Variants in ZNF331 observed in about 807,000 individuals in gnomAD.
ZNF331 encodes the protein C2H2-like zinc finger protein rearranged in thyroid adenomas.
ZNF331 carries 2 observed loss-of-function variants against 7.0 expected under a neutral mutation model. The observed-to-expected ratio is 0.29, with a 90% confidence interval of 0.12 to 0.90. The LOEUF (loss-of-function observed/expected upper bound fraction) is 0.90. Among genes scored for constraint, ZNF331 ranks in the 40% least tolerant of loss-of-function variants. The probability of loss-of-function intolerance (pLI) is 0.58; values close to 1 mark genes in which losing one functional copy is unlikely to be tolerated. For missense variants in ZNF331, 432 were observed against 587.7 expected (o/e 0.74, Z 2.74); for synonymous variants, 196 against 205.4 (o/e 0.95, Z 0.39).
chr19:53,520,061 T>C (rs1463202664), upstream of ZNF331, among the ~76,000 whole-genome samples: 1 of 151,974 alleles, frequency 6.6e-6, no homozygotes, highest in African/African-American at 2.4e-5. Flanking sequence ...ATTATTATTA[T>C]TTTGAGACAT....
At chr19:53,566,810 A>T (rs1271899091) in intron 3 of ZNF331, among the ~76,000 whole-genome samples, 1 of 110,968 alleles carries the variant, frequency 9.0e-6, no homozygotes, top group Non-Finnish European at 2.2e-5. Flanking sequence ...GGGGTCGTAG[A>T]ACTTCCCGGA....
At chr19:53,525,768 A>G (rs1014338153) in intron 2 of ZNF331, among the ~76,000 whole-genome samples, 8 of 152,132 alleles carry the variant, frequency 5.3e-5, no homozygotes, top group African/African-American at 1.9e-4. Flanking sequence ...TTCACTTCCT[A>G]TTTGATTGGC....
chr19:53,519,198 A>G (rs564191764), upstream of ZNF331, among the ~76,000 whole-genome samples: 3 of 152,202 alleles, frequency 2.0e-5, no homozygotes, highest in African/African-American at 7.2e-5. Context: ...CCTGAGCTCC[A>G]GGAGGCTCCC....
intron 2 of ZNF331, among the ~76,000 whole-genome samples, chr19:53,542,904 G>A (rs1169233302): frequency 6.6e-6 from 1 of 152,138 alleles, no homozygotes; most frequent in Non-Finnish European, 1.5e-5. Flanking sequence ...CTGCCTCCCG[G>A]GTTCAAGCGA....
rs754789149 is a variant in ZNF331 at position 53,578,004 on chromosome 19, AGTTT to A, written c.*56_*59del. On this transcript the variant is annotated 3_prime_UTR_variant, in exon 6 of 6. Coordinates refer to ENST00000449416, the MANE Select transcript of ZNF331 (RefSeq NM_001079906.2). ...TCGTATCTATGGTTTCGCTTTCCAC[AGTTT>A]GTTACCTGCAGTCAACTGCAGTTCA... 6 of 1,541,210 alleles carry A rather than the reference AGTTT, an allele frequency of 3.9e-6. No individual in the cohort carries two copies. Among genetic ancestry groups the A allele is most frequent in the Non-Finnish European group, 5.2e-6 (6 of 1,144,084 alleles).
In ZNF331 at chr19:53,560,968, G is replaced by T. The variant is rs560368948; in HGVS notation, c.-74+5060G>T. ...TACCATAGAGACACATTTGAGAGGT[G>T]GGCAAAGTGGCAAGATCCCACCTCT... On this transcript the variant is annotated intron_variant, in intron 3 of 5. Coordinates refer to ENST00000449416, the MANE Select transcript of ZNF331 (RefSeq NM_001079906.2). This position sits in a 1 kb window ranked among gnomAD's most constrained non-coding sequence, Gnocchi z 4.3. Among the ~76,000 whole-genome samples, 1 of 152,148 alleles carries T rather than the reference G, an allele frequency of 6.6e-6. No homozygotes were observed. Among genetic ancestry groups the T allele is most frequent in the African/African-American group, 2.4e-5 (1 of 41,494 alleles).
intron 2 of ZNF331, among the ~76,000 whole-genome samples, chr19:53,543,100 C>T (rs914938390): frequency 2.6e-5 from 4 of 152,016 alleles, no homozygotes; most frequent in Admixed American, 6.5e-5. Flanking sequence ...TGAGCCACCG[C>T]GCCCAGTGGC....
At chr19:53,532,119 G>T (rs1326904637) in intron 2 of ZNF331, among the ~76,000 whole-genome samples, 2 of 152,078 alleles carry the variant, frequency 1.3e-5, no homozygotes, top group Non-Finnish European at 2.9e-5. Flanking sequence ...TTTGTGATTA[G>T]AACATTTAAC....
chr19:53,526,826 A>G (rs2087315815), intron 2 of ZNF331, among the ~76,000 whole-genome samples: 1 of 151,238 alleles, frequency 6.6e-6, no homozygotes, highest in African/African-American at 2.4e-5. Flanking sequence ...TGCTGGGATT[A>G]CAGGCGTGAG....
At chr19:53,509,567 G>C in the ZNF331 span, among the ~76,000 whole-genome samples, 1 of 152,186 alleles carries the variant, frequency 6.6e-6, no homozygotes, top group East Asian at 1.9e-4. Context: ...ATCCAGGAAA[G>C]ATCCTAGAGC....
intron 3 of ZNF331, among the ~76,000 whole-genome samples, chr19:53,568,252 A>G (rs1440555323): frequency 6.6e-6 from 1 of 152,106 alleles, no homozygotes; most frequent in Admixed American, 6.6e-5. Flanking sequence ...TCAAAAAAAA[A>G]AAAAAAAAGT....
At chr19:53,508,394 C>G in the ZNF331 span, among the ~76,000 whole-genome samples, 1 of 152,168 alleles carries the variant, frequency 6.6e-6, no homozygotes, top group East Asian at 1.9e-4. Flanking sequence ...ACCATTTTCA[C>G]TCTGACATAC....
chr19:53,533,574 C>T (rs960663191), upstream of ZNF331, among the ~76,000 whole-genome samples: 20 of 152,088 alleles, frequency 1.3e-4, no homozygotes, highest in African/African-American at 4.3e-4. Context: ...TGTCCTTTGT[C>T]GAAAGTAGGA....
chr19:53,516,420 GC>G (rs1269001838), upstream of ZNF331, among the ~76,000 whole-genome samples: 2 of 150,406 alleles, frequency 1.3e-5, no homozygotes, highest in African/African-American at 4.9e-5. Context: ...CTGCACTCTG[GC>G]CTGGACAACA....
At chr19:53,565,895 A>G (rs972832452) in intron 3 of ZNF331, among the ~76,000 whole-genome samples, 3 of 152,164 alleles carry the variant, frequency 2.0e-5, no homozygotes, top group African/African-American at 7.2e-5. Flanking sequence ...CTCTGACTAC[A>G]TTTCAAATCA....
At chr19:53,517,523 T>C (rs192895278), upstream of ZNF331, among the ~76,000 whole-genome samples, 11 of 152,276 alleles carry the variant, frequency 7.2e-5, no homozygotes, top group Admixed American at 6.5e-4. Flanking sequence ...CCAAAGTTTC[T>C]ACCCACATCA....
Position 53,578,419 on chromosome 19 carries a change from T to C in ZNF331, c.*467T>C. 4.3e-6 allele frequency: 1 copy of C among 232,084 alleles called. No homozygotes were observed. Among genetic ancestry groups the C allele is most frequent in the Admixed American group, 5.4e-5 (1 of 18,636 alleles). 14.4% of individuals were successfully genotyped at this position (232,084 alleles called of 1,614,324 possible). ...AAAAGAAAAAAATCATATACTGAGGTTGCTAAGATCTACATGACAATAAGA... is the reference window on the plus strand; with the variant it reads ...AAAAGAAAAAAATCATATACTGAGGCTGCTAAGATCTACATGACAATAAGA... On this transcript the variant is annotated 3_prime_UTR_variant, in exon 6 of 6. Coordinates refer to ENST00000449416, the MANE Select transcript of ZNF331 (RefSeq NM_001079906.2).
rs537822108 is a variant in ZNF331 at position 53,568,849 on chromosome 19, CTT to C, written c.-73-432_-73-431del. Among the ~76,000 whole-genome samples the C allele has an allele frequency of 8.1e-3, 626 of 77,086 alleles. 4 individuals are homozygous for C. The highest frequency in any genetic ancestry group is 0.027 in the African/African-American group (497 of 18,280). The allele number at this position is 77,086 out of a possible 152,430, so 50.6% of individuals were successfully genotyped here. ...TGGTTTAGGTTTGATCCATGATACT[CTT>C]TTTTTTTTTTTTTTTTTTTTTTGAG... On this transcript the variant is annotated intron_variant, in intron 3 of 5. Transcript: ENST00000449416.
At chr19:53,556,491 T>A (rs879173686) in intron 3 of ZNF331, among the ~76,000 whole-genome samples, 9 of 150,460 alleles carry the variant, frequency 6.0e-5, no homozygotes, top group Non-Finnish European at 1.2e-4. Flanking sequence ...TTTTTTTTTT[T>A]AATTTTTTTT....
Sources: gnomAD v4.1 joint callset for allele counts (sites outside exome capture counted in the v4.1 genomes callset) on GRCh38, gnomAD v4.1.1 for gene constraint, Gnocchi (gnomAD v3.1) non-coding constraint, MANE v1.5 for transcripts, NCBI Gene and HGNC (gene_info 2026-07-23, HGNC 2026-07-21) for gene names.